THSD7A: variants seen among roughly 807,000 people sequenced by gnomAD.
THSD7A encodes thrombospondin type 1 domain containing 7A.
In THSD7A, 96 loss-of-function variants were observed where a neutral mutation model predicts 231.3. The observed-to-expected ratio is 0.41, with a 90% CI of 0.35 to 0.49. The LOEUF is 0.49. THSD7A is among the 20% of genes least tolerant of loss of function. The pLI, the probability that THSD7A is intolerant of heterozygous loss-of-function variation, is 0.05. For missense variants in THSD7A, 2,290 were observed against 2,070.2 expected (o/e 1.11, Z -2.06); for synonymous variants, 940 against 743.3 (o/e 1.26, Z -4.30).
intron 23 of THSD7A, chr7:11,384,390 T>C (rs1336619742): frequency 2.0e-5 from 3 of 151,774 alleles, no homozygotes; most frequent in Admixed American, 6.6e-5. Flanking sequence ...AAATTTAAAA[T>C]TTTTTCATTT....
At chr7:11,606,293 T>C (rs1193384824) in intron 2 of THSD7A, among the ~76,000 whole-genome samples, 5 of 152,090 alleles carry the variant, frequency 3.3e-5, no homozygotes, top group African/African-American at 9.7e-5. Context: ...AGTAAGACCA[T>C]GTCACTGGAA....
At chr7:11,738,462 G>A (rs1781991413) in intron 1 of THSD7A, among the ~76,000 whole-genome samples, 1 of 152,150 alleles carries the variant, frequency 6.6e-6, no homozygotes, top group Middle Eastern at 3.4e-3. Flanking sequence ...AGGTAAGATA[G>A]TGCTAGCAAT....
At chr7:11,453,754 G>A (rs948151340) in intron 11 of THSD7A, among the ~76,000 whole-genome samples, 4 of 151,902 alleles carry the variant, frequency 2.6e-5, no homozygotes, top group East Asian at 1.9e-4. Context: ...TCTACTCTTC[G>A]TAGAAACATG....
chr7:11,452,095 T>C (rs1000500958), intron 11 of THSD7A, among the ~76,000 whole-genome samples: 1 of 151,910 alleles, frequency 6.6e-6, no homozygotes, highest in Non-Finnish European at 1.5e-5. Context: ...AACTGAACAA[T>C]ATTAACATGG....
At chr7:11,669,466 T>G (rs949995629) in intron 1 of THSD7A, among the ~76,000 whole-genome samples, 1 of 152,020 alleles carries the variant, frequency 6.6e-6, no homozygotes, top group African/African-American at 2.4e-5. Context: ...CCAGATACTC[T>G]GCAGGGTGAA....
chr7:11,624,854 T>A (rs1781429178), intron 2 of THSD7A, among the ~76,000 whole-genome samples: 1 of 152,148 alleles, frequency 6.6e-6, no homozygotes, highest in Non-Finnish European at 1.5e-5. Flanking sequence ...TTATACAGAA[T>A]TGGAACTAGG....
chr7:11,817,210 TC>T (rs1180583616), intron 1 of THSD7A, among the ~76,000 whole-genome samples: 1 of 152,142 alleles, frequency 6.6e-6, no homozygotes, highest in African/African-American at 2.4e-5. Context: ...GGAAGTCTGA[TC>T]ACTCATCGTA....
chr7:11,421,174 G>T (rs1003245346), intron 16 of THSD7A, among the ~76,000 whole-genome samples: 2 of 152,118 alleles, frequency 1.3e-5, no homozygotes, highest in African/African-American at 2.4e-5. Flanking sequence ...GAAGTGCCAG[G>T]GTGGAATGAT....
At chr7:11,795,240 CAT>C (rs1376354095) in intron 1 of THSD7A, among the ~76,000 whole-genome samples, 7 of 151,872 alleles carry the variant, frequency 4.6e-5, no homozygotes, top group African/African-American at 1.7e-4. Context: ...CATATACAAA[CAT>C]GTGTGCACAC....
chr7:11,831,836 C>G lies in THSD7A; in HGVS notation c.111G>C (p.Leu37=). 1 of 1,397,284 alleles carries G rather than the reference C, an allele frequency of 7.2e-7. No homozygotes were observed. The highest frequency in any genetic ancestry group is 1.8e-5 in the South Asian group (1 of 57,002). 86.6% of individuals were successfully genotyped at this position (1,397,284 alleles called of 1,614,324 possible). A position where few individuals can be genotyped will look rare whatever the true frequency, so the allele number is the denominator to read the frequency against. ...TGCCGGCGCCCGGGCGTAGCAGCAGCAGCAGGAGCAGCGGCAGCGGCAGCG... is the reference window on the plus strand; with the variant it reads ...TGCCGGCGCCCGGGCGTAGCAGCAGGAGCAGGAGCAGCGGCAGCGGCAGCG... ...PLPLPLPLLL[L]LLLRPGAGRA... Residue 37 remains leucine (L), a synonymous_variant, in exon 1 of 28, where the codon CTG becomes CTC. Coordinates refer to ENST00000423059, the MANE Select transcript of THSD7A (RefSeq NM_015204.3). The surrounding 1 kb of genome is among the most constrained non-coding windows in gnomAD (Gnocchi z 5.0).
At chr7:11,591,333 A>T (rs149317575) in intron 3 of THSD7A, among the ~76,000 whole-genome samples, 1 of 152,254 alleles carries the variant, frequency 6.6e-6, no homozygotes, top group East Asian at 1.9e-4. Context: ...CCAACACGTG[A>T]TTGAAGGAGA....
At chr7:11,751,805 C>A (rs898310272) in intron 1 of THSD7A, among the ~76,000 whole-genome samples, 4 of 152,090 alleles carry the variant, frequency 2.6e-5, no homozygotes, top group Admixed American at 1.3e-4. Flanking sequence ...CCAGGATAAC[C>A]CAACCCCTGG....
chr7:11,687,888 AT>A (rs1015143302), intron 1 of THSD7A, among the ~76,000 whole-genome samples: 17 of 150,766 alleles, frequency 1.1e-4, no homozygotes, highest in South Asian at 4.2e-4. Flanking sequence ...ATTTAATTTT[AT>A]TTTTTTAAGG....
chr7:11,552,254 C>A (rs757640684), intron 4 of THSD7A, among the ~76,000 whole-genome samples: 6 of 151,850 alleles, frequency 4.0e-5, no homozygotes, highest in Non-Finnish European at 5.9e-5. Context: ...TATACACTAA[C>A]CCCCATGACT....
chr7:11,676,011 A>G (rs987879565), intron 1 of THSD7A, among the ~76,000 whole-genome samples: 1 of 152,168 alleles, frequency 6.6e-6, no homozygotes, highest in Admixed American at 6.5e-5. Flanking sequence ...CTCATACAAG[A>G]GAGCCCTGGC....
chr7:11,685,615 A>T (rs548004931), intron 1 of THSD7A, among the ~76,000 whole-genome samples: 14 of 152,118 alleles, frequency 9.2e-5, no homozygotes, highest in Admixed American at 2.6e-4. Context: ...CAAACATATG[A>T]AAAAGAGCTC....
At chr7:11,809,564 G>C (rs1203450521) in intron 1 of THSD7A, among the ~76,000 whole-genome samples, 1 of 152,058 alleles carries the variant, frequency 6.6e-6, no homozygotes, top group Non-Finnish European at 1.5e-5. Context: ...ACAGGCTTTG[G>C]AATGTATGAA....
Position 11,374,325 on chromosome 7 carries a change from C to T in THSD7A, c.*1469G>A, listed in dbSNP as rs1266447136. 6.6e-6 allele frequency: 1 copy of T among 152,088 alleles called. No individual in the cohort carries two copies. Among genetic ancestry groups the T allele is most frequent in the East Asian group, 1.9e-4 (1 of 5,190 alleles). The allele number at this position is 152,088 out of a possible 1,614,324, so 9.4% of individuals were successfully genotyped here. On this transcript the variant is annotated 3_prime_UTR_variant, in exon 28 of 28. Transcript: ENST00000423059. ...AGTCCTTTACAGAAAAAGTTTGCCACTCTTGCTCTAGATATGCAATGAAGT... is the reference window on the plus strand; with the variant it reads ...AGTCCTTTACAGAAAAAGTTTGCCATTCTTGCTCTAGATATGCAATGAAGT...
intron 13 of THSD7A, among the ~76,000 whole-genome samples, chr7:11,440,872 G>C (rs945956046): frequency 1.3e-5 from 2 of 152,016 alleles, no homozygotes; most frequent in African/African-American, 4.8e-5. Context: ...GGGTTTGAGA[G>C]GATATACTCC....
Sources: gnomAD v4.1 joint callset for allele counts (sites outside exome capture counted in the v4.1 genomes callset) on GRCh38, gnomAD v4.1.1 for gene constraint, Gnocchi (gnomAD v3.1) non-coding constraint, MANE v1.5 for transcripts, NCBI Gene and HGNC (gene_info 2026-07-23, HGNC 2026-07-21) for gene names.